MCCC1: variants seen among roughly 807,000 people sequenced by gnomAD.
MCCC1 encodes methylcrotonoyl-CoA carboxylase subunit alpha, mitochondrial.
Under a neutral mutation model 83.8 loss-of-function variants are expected in MCCC1, and 64 were observed. That is an observed-to-expected ratio of 0.76 (90% CI 0.62 to 0.94). The LOEUF (loss-of-function observed/expected upper bound fraction) is 0.94, where lower values mean the gene tolerates loss of function less well. Ranked by LOEUF, MCCC1 falls within the 40% of genes least tolerant of loss-of-function variation. MCCC1 has a pLI of 0.00. For missense variants in MCCC1, 807 were observed against 904.7 expected, an observed-to-expected ratio of 0.89 and a Z score of 1.39; for synonymous variants, 322 against 315.4, an observed-to-expected ratio of 1.02 and a Z score of -0.22.
At position 183,071,309 on chromosome 3, in the gene MCCC1, A is replaced by C. The variant is rs1577329024; in HGVS notation, c.540T>G (p.Gly180=). The C allele has an allele frequency of 6.2e-7, 1 of 1,614,070 alleles. No individual in the cohort carries two copies. Residue 180 remains glycine (G), a synonymous_variant, in exon 6 of 19, where the codon GGT becomes GGG. Transcript: ENST00000265594. Reference sequence around the variant, plus strand: ...GGTCTGATTGGTCCTCACCATGATAACCCTCCACAACAGGTACTCCAGCAG... The same window carrying C: ...GGTCTGATTGGTCCTCACCATGATACCCCTCCACAACAGGTACTCCAGCAG... ...MAAAGVPVVE[G]YHGEDQSDQC... is the part of the protein sequence containing the mutation.
Position 183,020,181 on chromosome 3 carries a change from T to C in MCCC1, c.1926A>G (p.Ser642=). Reference sequence around the variant, plus strand: ...CTAAGGGGCCGCCCTGAGTTTCTTGTGAGCTCACAGAAGATAAGTATTTGG... The same window carrying C: ...CTAAGGGGCCGCCCTGAGTTTCTTGCGAGCTCACAGAAGATAAGTATTTGG... ...PVPKYLSSVS[S]QETQGGPLAP... is the part of the protein sequence containing the mutation. The change falls in exon 17 of 19, where the codon TCA becomes TCG. Residue 642 remains serine, a synonymous_variant. Transcript: ENST00000265594. 6.2e-7 allele frequency: 1 copy of C among 1,614,152 alleles called. No individual in the cohort carries two copies. Among genetic ancestry groups the C allele is most frequent in the Non-Finnish European group, 8.5e-7 (1 of 1,179,990 alleles).
intron 5 of MCCC1, among the ~76,000 whole-genome samples, chr3:183,071,703 TTTC>T: frequency 2.5e-5 from 1 of 40,330 alleles, no homozygotes; most frequent in Non-Finnish European, 7.3e-5. Flanking sequence ...AAACAAACTA[TTTC>T]TTTTTTTTTT....
rs780231683 is a variant in MCCC1, at chr3:183,071,124, A to T, written c.640-4T>A. The T allele has an allele frequency of 1.9e-6, 3 of 1,614,202 alleles. No individual in the cohort carries two copies. Among genetic ancestry groups the T allele is most frequent in the Non-Finnish European group, 2.5e-6 (3 of 1,180,034 alleles). Reference sequence around the variant, plus strand: ...CTGATCTAACAATCCTCATTCCCTAAGAGAGAAAAGATGATTATGACTACA... The same window carrying T: ...CTGATCTAACAATCCTCATTCCCTATGAGAGAAAAGATGATTATGACTACA... On this transcript the variant is annotated splice_polypyrimidine_tract_variant and splice_region_variant and intron_variant, in intron 6 of 18. Coordinates refer to ENST00000265594, the MANE Select transcript of MCCC1 (RefSeq NM_020166.5).
chr3:183,026,808 C>T (rs142085055), intron 14 of MCCC1, among the ~76,000 whole-genome samples: 492 of 152,216 alleles, frequency 3.2e-3, no homozygotes, highest in African/African-American at 0.011. Context: ...ACTAAATCTC[C>T]GAGCCTTGAT....
upstream of MCCC1, among the ~76,000 whole-genome samples, chr3:183,103,271 T>C (rs535491296): frequency 2.6e-5 from 4 of 151,822 alleles, no homozygotes; most frequent in Admixed American, 1.3e-4. Context: ...GCTTCCACAG[T>C]GTGGAAGCAG....
chr3:183,015,411 C>T lies in MCCC1; in HGVS notation c.*27G>A. ...TTTTTGGTGGAGAGAGAAGACACTA[C>T]TTAACTGGCCATTTCCTTGCTGGAG... is the stretch of plus-strand genomic sequence containing the variant. On this transcript the variant is annotated 3_prime_UTR_variant, in exon 19 of 19. Transcript: ENST00000265594. 1 of 1,613,868 alleles carries T rather than the reference C, an allele frequency of 6.2e-7. No homozygotes were observed.
At chr3:183,111,324 G>A (rs2108587048) in intron 1 of MCCC1, among the ~76,000 whole-genome samples, 1 of 152,050 alleles carries the variant, frequency 6.6e-6, no homozygotes, top group Admixed American at 6.5e-5. Flanking sequence ...TTTTGAGATG[G>A]AGTCTCACTC....
chr3:183,090,231 T>C (rs903312385), intron 3 of MCCC1, among the ~76,000 whole-genome samples: 4 of 152,092 alleles, frequency 2.6e-5, no homozygotes, highest in Admixed American at 2.0e-4. Flanking sequence ...AAGGGAGCAG[T>C]GTACTAGGAT....
At chr3:183,102,764 T>G (rs1719336349), upstream of MCCC1, among the ~76,000 whole-genome samples, 1 of 53,854 alleles carries the variant, frequency 1.9e-5, no homozygotes, top group Non-Finnish European at 3.1e-5. Flanking sequence ...GAAAGTTTTT[T>G]TTTTTTTTTT....
intron 14 of MCCC1, among the ~76,000 whole-genome samples, chr3:183,031,491 CTTTTTTTTTTT>C (rs66507233): frequency 2.8e-5 from 2 of 72,708 alleles, no homozygotes; most frequent in South Asian, 1.3e-3. Context: ...CTTCTGGCAC[CTTTTTTTTTTT>C]TTTTTTTTTT....
intron 9 of MCCC1, among the ~76,000 whole-genome samples, chr3:183,046,531 G>A (rs1208324280): frequency 6.6e-6 from 1 of 151,902 alleles, no homozygotes; most frequent in Non-Finnish European, 1.5e-5. Context: ...CTGAGTAGAT[G>A]GGACCACAGG....
chr3:183,113,017 A>G (rs1719525581), intron 1 of MCCC1, among the ~76,000 whole-genome samples: 1 of 152,074 alleles, frequency 6.6e-6, no homozygotes, highest in Non-Finnish European at 1.5e-5. Flanking sequence ...CGAAGTCAAG[A>G]GATCGAGACC....
chr3:183,068,603 A>G (rs1285455299), intron 7 of MCCC1, among the ~76,000 whole-genome samples: 3 of 152,244 alleles, frequency 2.0e-5, no homozygotes, highest in African/African-American at 7.2e-5. Flanking sequence ...TCAATTAAAA[A>G]GAAGTTATTA....
At chr3:183,044,226 A>C (rs1392547062) in intron 10 of MCCC1, among the ~76,000 whole-genome samples, 2 of 152,246 alleles carry the variant, frequency 1.3e-5, no homozygotes, top group African/African-American at 4.8e-5. Context: ...CGTCTATATT[A>C]CTTAACAGAT....
intron 15 of MCCC1, among the ~76,000 whole-genome samples, chr3:183,024,032 C>T (rs1026660055): frequency 8.5e-5 from 13 of 152,150 alleles, no homozygotes; most frequent in African/African-American, 3.1e-4. Flanking sequence ...GGGCGGATCA[C>T]CTGGGGTCGG....
chr3:183,059,441 T>C (rs1337195916), intron 7 of MCCC1, among the ~76,000 whole-genome samples: 1 of 152,242 alleles, frequency 6.6e-6, no homozygotes, highest in East Asian at 1.9e-4. Context: ...TTTTCTTGCC[T>C]TGTTGACTTT....
chr3:183,075,385 T>C (rs970237075), intron 4 of MCCC1, among the ~76,000 whole-genome samples: 37 of 152,208 alleles, frequency 2.4e-4, no homozygotes, highest in African/African-American at 8.4e-4. Flanking sequence ...GTTATTTTTT[T>C]GACTTCTTAG....
intron 8 of MCCC1, among the ~76,000 whole-genome samples, chr3:183,056,361 A>T (rs867692947): frequency 2.0e-5 from 3 of 152,178 alleles, no homozygotes; most frequent in Non-Finnish European, 2.9e-5. Flanking sequence ...TTGAAAAAAA[A>T]TCTATATAAC....
At chr3:183,072,770 A>G (rs1040680033) in intron 4 of MCCC1, among the ~76,000 whole-genome samples, 7 of 152,254 alleles carry the variant, frequency 4.6e-5, no homozygotes, top group African/African-American at 1.7e-4. Context: ...AGTGGCATTA[A>G]GTACACTCAC....
Sources: allele counts gnomAD v4.1 joint callset (sites outside exome capture counted in the v4.1 genomes callset), GRCh38; gene constraint gnomAD v4.1.1; transcripts MANE v1.5; gene names NCBI Gene and HGNC (gene_info 2026-07-23, HGNC 2026-07-21).